Variants in MRAP observed in about 807,000 individuals in gnomAD.
MRAP encodes melanocortin-2 receptor accessory protein.
Under a neutral mutation model 8.7 loss-of-function variants are expected in MRAP, and 8 were observed. That is an observed-to-expected ratio of 0.92 (90% CI 0.54 to 1.66). The LOEUF is 1.66. Among genes scored for constraint, MRAP ranks in the 40% most tolerant of loss-of-function variants. The pLI is 0.00. For missense variants in MRAP, 237 were observed against 217.1 expected (o/e 1.09, Z -0.58); for synonymous variants, 95 against 95.5 (o/e 1.00, Z 0.03).
At chr21:32,312,557 G>A (rs575343511), downstream of MRAP, 52 of 166,996 alleles carry the variant, frequency 3.1e-4, 1 homozygote, top group South Asian at 6.8e-3. Context: ...CCCCTGGAGG[G>A]CAGGCAGCCA....
At chr21:32,307,726 T>C (rs2032454677) in intron 2 of MRAP, among the ~76,000 whole-genome samples, 2 of 151,418 alleles carry the variant, frequency 1.3e-5, no homozygotes, top group South Asian at 4.2e-4. Flanking sequence ...AACAAAAAGT[T>C]AGCTGGGCAT....
upstream of MRAP, among the ~76,000 whole-genome samples, chr21:32,298,565 T>C (rs2032184275): frequency 6.6e-6 from 1 of 152,184 alleles, no homozygotes. Flanking sequence ...CTTTTAACTT[T>C]TCAAGTATTT....
chr21:32,291,925 A>C (rs549777231), intron 1 of MRAP: 3 of 152,202 alleles, frequency 2.0e-5, no homozygotes, highest in Non-Finnish European at 4.4e-5. Flanking sequence ...AAGGTTTATT[A>C]GAAAGAGAGA....
intron 1 of MRAP, among the ~76,000 whole-genome samples, chr21:32,301,043 CATATG>C (rs1601099452): frequency 1.3e-5 from 2 of 150,982 alleles, no homozygotes; most frequent in Non-Finnish European, 1.5e-5. Context: ...TCAAATATAT[CATATG>C]ATATATATCA....
At chr21:32,306,361 T>C in intron 1 of MRAP, 1 of 445,242 alleles carries the variant, frequency 2.2e-6, no homozygotes, top group Non-Finnish European at 4.2e-6. Context: ...ATGCATGGGG[T>C]GGGGGGGCAC....
At chr21:32,309,021 G>A (rs1218785353) in intron 2 of MRAP, among the ~76,000 whole-genome samples, 2 of 152,248 alleles carry the variant, frequency 1.3e-5, no homozygotes, top group Non-Finnish European at 2.9e-5. Context: ...TTGGCACAGC[G>A]TCTTAGTGTT....
At chr21:32,303,952 T>C (rs2032344698) in intron 1 of MRAP, among the ~76,000 whole-genome samples, 2 of 152,220 alleles carry the variant, frequency 1.3e-5, no homozygotes, top group African/African-American at 4.8e-5. Context: ...GACACTGCGT[T>C]CTGTGAAACC....
At chr21:32,299,898 C>G (rs188014654) in intron 1 of MRAP, among the ~76,000 whole-genome samples, 1 of 152,166 alleles carries the variant, frequency 6.6e-6, no homozygotes, top group Admixed American at 6.5e-5. Context: ...TCTTGGCTAA[C>G]GTGGCATGTG....
downstream of MRAP, chr21:32,312,381 T>C (rs2032603666): frequency 9.0e-7 from 1 of 1,109,856 alleles, no homozygotes; most frequent in Non-Finnish European, 1.1e-6. Flanking sequence ...TCTGTACCTT[T>C]GTTAGGATGC....
At chr21:32,299,550 G>C (rs1018194573) in intron 1 of MRAP, among the ~76,000 whole-genome samples, 3 of 152,002 alleles carry the variant, frequency 2.0e-5, no homozygotes, top group African/African-American at 7.2e-5. Context: ...AGGCTGGTCT[G>C]GAACTCCTGG....
At chr21:32,296,319 C>G (rs1270857406), upstream of MRAP, among the ~76,000 whole-genome samples, 1 of 152,112 alleles carries the variant, frequency 6.6e-6, no homozygotes, top group African/African-American at 2.4e-5. Context: ...TTTGGGGGAG[C>G]ACAATTCAGC....
chr21:32,314,670 C>T (rs1193763095), downstream of MRAP: 1 of 1,609,418 alleles, frequency 6.2e-7, no homozygotes, highest in Non-Finnish European at 8.5e-7. Context: ...ACTGGATGGG[C>T]CTCATGGCCT....
At chr21:32,300,779 C>A (rs1185536970) in intron 1 of MRAP, among the ~76,000 whole-genome samples, 2 of 143,674 alleles carry the variant, frequency 1.4e-5, no homozygotes, top group Non-Finnish European at 3.0e-5. Context: ...GTCATGCCTC[C>A]TATGTCGGAT....
upstream of MRAP, among the ~76,000 whole-genome samples, chr21:32,296,631 T>C (rs192259358): frequency 3.2e-3 from 481 of 152,328 alleles, 5 homozygotes; most frequent in African/African-American, 0.011. Context: ...TCCAAGGCTA[T>C]AAACCTATTG....
intron 2 of MRAP, among the ~76,000 whole-genome samples, chr21:32,293,565 A>G (rs1250362755): frequency 6.6e-6 from 1 of 152,134 alleles, no homozygotes; most frequent in Non-Finnish European, 1.5e-5. Flanking sequence ...AGAATTGCCT[A>G]AAGCACCTCG....
At chr21:32,301,455 G>T (rs539191560) in intron 1 of MRAP, among the ~76,000 whole-genome samples, 1 of 152,264 alleles carries the variant, frequency 6.6e-6, no homozygotes, top group South Asian at 2.1e-4. Context: ...TTTGCCTTCT[G>T]CCATAATCGT....
Position 32,311,977 on chromosome 21 carries a change from C to A in MRAP, c.500C>A (p.Thr167Asn), listed in dbSNP as rs2032591458. ...KPSEPPPGDR[T>N]SQLQS Reference sequence around the variant, plus strand: ...AGCGAGCCTCCCCCTGGAGACAGGACCTCTCAATTGCAGAGCTGATGTCAG... The same window carrying A: ...AGCGAGCCTCCCCCTGGAGACAGGAACTCTCAATTGCAGAGCTGATGTCAG... Residue 167 changes from threonine (T) to asparagine (N), a missense_variant, in exon 3 of 3, where the codon ACC (threonine) becomes AAC (asparagine). Transcript: ENST00000303645. 1.9e-6 allele frequency: 3 copies of A among 1,613,234 alleles called. No individual in the cohort carries two copies. The highest frequency in any genetic ancestry group is 2.7e-5 in the African/African-American group (2 of 74,940).
Position 32,311,880 on chromosome 21 carries a change from G to C in MRAP, c.403G>C (p.Gly135Arg), listed in dbSNP as rs1449480412. Reference sequence around the variant, plus strand: ...GAGCTCCTCCACCTTGCCCCTCGGGGGTTTCCAGACCCACCCCACTCTCCT... The same window carrying C: ...GAGCTCCTCCACCTTGCCCCTCGGGCGTTTCCAGACCCACCCCACTCTCCT... ...QESSSTLPLG[G>R]FQTHPTLLWE... The change falls in exon 3 of 3, where the codon GGT (glycine) becomes CGT (arginine). Residue 135 changes from glycine to arginine, a missense_variant. Coordinates refer to ENST00000303645, the MANE Select transcript of MRAP (RefSeq NM_001379228.1). The C allele has an allele frequency of 1.9e-6, 3 of 1,614,054 alleles. No homozygotes were observed. Among genetic ancestry groups the C allele is most frequent in the South Asian group, 1.1e-5 (1 of 91,086 alleles).
chr21:32,294,734 A>C (rs908617504), upstream of MRAP, among the ~76,000 whole-genome samples: 72 of 152,256 alleles, frequency 4.7e-4, no homozygotes, highest in African/African-American at 1.7e-3. Flanking sequence ...TACAGTTTGT[A>C]AAGCTGCTGG....
Sources: gnomAD v4.1 joint callset for allele counts (sites outside exome capture counted in the v4.1 genomes callset) on GRCh38, gnomAD v4.1.1 for gene constraint, MANE v1.5 for transcripts, NCBI Gene and HGNC (gene_info 2026-07-23, HGNC 2026-07-21) for gene names.